Variants in C19orf12 observed in about 807,000 individuals in gnomAD.
C19orf12 encodes the protein protein C19orf12.
Under a neutral mutation model 3.8 loss-of-function variants are expected in C19orf12, and 2 were observed. That is an observed-to-expected ratio of 0.53 (90% CI 0.22 to 1.66). C19orf12 has a LOEUF of 1.66. Ranked by LOEUF, C19orf12 falls within the 40% of genes most tolerant of loss-of-function variation. The pLI is 0.20. For missense variants in C19orf12, 156 were observed against 188.8 expected, an observed-to-expected ratio of 0.83 and a Z score of 1.02; for synonymous variants, 89 against 84.6, an observed-to-expected ratio of 1.05 and a Z score of -0.28.
At position 29,705,402 on chromosome 19, in the gene C19orf12, CAAA is replaced by C. The variant is rs34101444; in HGVS notation, c.161-2428_161-2426del. 4,292 of 109,940 alleles carry C rather than the reference CAAA, an allele frequency of 0.039. 8 individuals carry two copies. The highest frequency in any genetic ancestry group is 0.072 in the South Asian group (802 of 11,080). The allele number at this position is 109,940 out of a possible 1,614,324, so 6.8% of individuals were successfully genotyped here. A position where few individuals can be genotyped will look rare whatever the true frequency, so the allele number is the denominator to read the frequency against. On this transcript the variant is annotated intron_variant, in intron 2 of 2. Coordinates refer to ENST00000323670, the MANE Select transcript of C19orf12 (RefSeq NM_031448.6). ...GGTGTCTTAGACTGGATCCTGAAAC[CAAA>C]AAAAAAAAAAAAAAAAAAAGGCCAT...
intron 1 of C19orf12, among the ~76,000 whole-genome samples, chr19:29,710,597 C>G (rs1480939839): frequency 6.6e-6 from 1 of 152,142 alleles, no homozygotes; most frequent in Non-Finnish European, 1.5e-5. Flanking sequence ...AACAAGCACC[C>G]CTAGATATGT....
At chr19:29,707,765 T>A (rs2145637528) in intron 2 of C19orf12, among the ~76,000 whole-genome samples, 1 of 152,226 alleles carries the variant, frequency 6.6e-6, no homozygotes. Flanking sequence ...TCTACAAAGA[T>A]CATTTCCCAG....
chr19:29,712,907 T>C (rs1972759398), intron 1 of C19orf12, among the ~76,000 whole-genome samples: 1 of 152,222 alleles, frequency 6.6e-6, no homozygotes, highest in Admixed American at 6.5e-5. Flanking sequence ...GGCCAGCAGC[T>C]ATCACTGCGT....
chr19:29,705,753 G>T (rs1418089886), intron 2 of C19orf12, among the ~76,000 whole-genome samples: 1 of 152,056 alleles, frequency 6.6e-6, no homozygotes, highest in Non-Finnish European at 1.5e-5. Context: ...CTGGGCTCAA[G>T]CAATCTTTCA....
rs1302721354 is a variant in C19orf12, at chr19:29,699,695, A to G, written c.*3017T>C. ...AGTTTTCAGAGACTTACTTTAAAAC[A>G]GAGTTAAAGGAATACACATGAAATT... On this transcript the variant is annotated 3_prime_UTR_variant, in exon 3 of 3. Transcript: ENST00000323670. 4 of 453,998 alleles carry G rather than the reference A, an allele frequency of 8.8e-6. No homozygotes were observed. The highest frequency in any genetic ancestry group is 1.3e-5 in the Non-Finnish European group (3 of 226,802). 28.1% of individuals were successfully genotyped at this position (453,998 alleles called of 1,614,324 possible).
At position 29,702,458 on chromosome 19, in the gene C19orf12, C is replaced by T. The variant is rs893049253; in HGVS notation, c.*254G>A. 7.3e-6 allele frequency: 5 copies of T among 683,016 alleles called. No homozygotes were observed. The highest frequency in any genetic ancestry group is 1.3e-5 in the Non-Finnish European group (5 of 376,586). 42.3% of individuals were successfully genotyped at this position (683,016 alleles called of 1,614,324 possible). On this transcript the variant is annotated 3_prime_UTR_variant, in exon 3 of 3. Coordinates refer to ENST00000323670, the MANE Select transcript of C19orf12 (RefSeq NM_031448.6). ...AGCCTGCGGCAGGCAGGCCTTTACTCTTCACTGGGGGGCCAGTCAGAGGGC... is the reference window on the plus strand; with the variant it reads ...AGCCTGCGGCAGGCAGGCCTTTACTTTTCACTGGGGGGCCAGTCAGAGGGC...
chr19:29,709,822 A>G (rs1599549054), intron 1 of C19orf12, among the ~76,000 whole-genome samples: 1 of 151,856 alleles, frequency 6.6e-6, no homozygotes, highest in South Asian at 2.1e-4. Context: ...GAGCCACTAC[A>G]TTTGACCTTA....
intron 1 of C19orf12, among the ~76,000 whole-genome samples, chr19:29,714,356 T>C (rs1263174504): frequency 6.6e-6 from 1 of 151,932 alleles, no homozygotes; most frequent in Non-Finnish European, 1.5e-5. Flanking sequence ...TTAGCCAGGC[T>C]TGGTGGTGTC....
Position 29,701,919 on chromosome 19 carries a change from C to A in C19orf12, c.*793G>T, listed in dbSNP as rs753197380. 2.2e-6 allele frequency: 1 copy of A among 454,126 alleles called. No individual in the cohort carries two copies. The allele number at this position is 454,126 out of a possible 1,614,324, so 28.1% of individuals were successfully genotyped here. A position where few individuals can be genotyped will look rare whatever the true frequency, so the allele number is the denominator to read the frequency against. ...GATGCACTGGGAAACTAAAACAATG[C>A]GCTTCCTTGCTTTATTGTGATGTTG... On this transcript the variant is annotated 3_prime_UTR_variant, in exon 3 of 3. Coordinates refer to ENST00000323670, the MANE Select transcript of C19orf12 (RefSeq NM_031448.6).
intron 1 of C19orf12, among the ~76,000 whole-genome samples, chr19:29,710,945 C>G (rs979886676): frequency 1.3e-5 from 2 of 151,600 alleles, no homozygotes; most frequent in East Asian, 3.9e-4. Flanking sequence ...GGAGACGGAG[C>G]GCAGAACCTG....
chr19:29,715,371 C>A (rs999130832), upstream of C19orf12: 4 of 391,460 alleles, frequency 1.0e-5, no homozygotes, highest in South Asian at 5.2e-5. Flanking sequence ...AGCCGGGGGT[C>A]GCTGCTGGGC....
At position 29,699,006 on chromosome 19, in the gene C19orf12, T is replaced by A. The variant is rs1444253680; in HGVS notation, c.*3706A>T. The A allele has an allele frequency of 2.2e-6, 1 of 453,282 alleles. No homozygotes were observed. The highest frequency in any genetic ancestry group is 2.0e-5 in the African/African-American group (1 of 49,828). 28.1% of individuals were successfully genotyped at this position (453,282 alleles called of 1,614,324 possible). ...TACTTCAGCATTACAGTAGTAAAAA[T>A]CCACAAATGGAATTCACACCAGGCA... On this transcript the variant is annotated 3_prime_UTR_variant, in exon 3 of 3. Coordinates refer to ENST00000323670, the MANE Select transcript of C19orf12 (RefSeq NM_031448.6).
At chr19:29,708,229 A>T in intron 2 of C19orf12, 25 bp downstream of exon 2, 1 of 1,607,794 alleles carries the variant, frequency 6.2e-7, no homozygotes. Context: ...GAGGCTGGCT[A>T]TCTCTGTGAG....
chr19:29,711,513 G>T (rs1248667823), intron 1 of C19orf12, among the ~76,000 whole-genome samples: 2 of 152,158 alleles, frequency 1.3e-5, no homozygotes, highest in African/African-American at 2.4e-5. Flanking sequence ...GAGAGGCACT[G>T]CCCAGGTCTC....
upstream of C19orf12, chr19:29,715,386 C>T (rs1222636289): frequency 2.5e-6 from 1 of 398,580 alleles, no homozygotes; most frequent in Non-Finnish European, 5.0e-6. Flanking sequence ...CTGGGCACCC[C>T]CTCCCCGGTC....
At position 29,699,372 on chromosome 19, in the gene C19orf12, A is replaced by G. The variant is rs1265286388; in HGVS notation, c.*3340T>C. On this transcript the variant is annotated 3_prime_UTR_variant, in exon 3 of 3. Transcript: ENST00000323670. ...GTGGCGGGCGACTGTAGTCAAAGCT[A>G]CTCGGGAGGCTGAGGCAGGAGAATG... The G allele has an allele frequency of 5.3e-6, 2 of 376,608 alleles. No individual in the cohort carries two copies. The highest frequency in any genetic ancestry group is 1.0e-5 in the Non-Finnish European group (2 of 196,068). 23.3% of individuals were successfully genotyped at this position (376,608 alleles called of 1,614,324 possible).
chr19:29,707,614 T>A (rs1466460329), intron 2 of C19orf12, among the ~76,000 whole-genome samples: 1 of 152,202 alleles, frequency 6.6e-6, no homozygotes, highest in African/African-American at 2.4e-5. Context: ...AGAGGCCTGC[T>A]GCTCTGATAC....
chr19:29,711,829 C>T (rs1056076094), intron 1 of C19orf12, among the ~76,000 whole-genome samples: 2 of 152,146 alleles, frequency 1.3e-5, no homozygotes, highest in Admixed American at 1.3e-4. Flanking sequence ...TGAAAATCTA[C>T]AGAGGCTAAA....
chr19:29,709,680 A>G (rs1972572688), intron 1 of C19orf12, among the ~76,000 whole-genome samples: 1 of 151,310 alleles, frequency 6.6e-6, no homozygotes, highest in Admixed American at 6.6e-5. Flanking sequence ...CAGGTATGCA[A>G]TCACCACGCC....
Sources: allele counts gnomAD v4.1 joint callset (sites outside exome capture counted in the v4.1 genomes callset), GRCh38; gene constraint gnomAD v4.1.1; transcripts MANE v1.5; gene names NCBI Gene and HGNC (gene_info 2026-07-23, HGNC 2026-07-21).